CHRM5: variants seen among roughly 807,000 people sequenced by gnomAD.
CHRM5 encodes muscarinic acetylcholine receptor M5.
Under a neutral mutation model 39.0 loss-of-function variants are expected in CHRM5, and 18 were observed. That is an observed-to-expected ratio of 0.46 (90% confidence interval 0.32 to 0.68). The LOEUF (loss-of-function observed/expected upper bound fraction) is 0.68. Among genes scored for constraint, CHRM5 ranks in the 30% least tolerant of loss-of-function variants. CHRM5 has a pLI of 0.04. For synonymous variants in CHRM5, 241 were observed against 246.3 expected, an observed-to-expected ratio of 0.98 and a Z score of 0.20; for missense variants, 515 against 651.1, an observed-to-expected ratio of 0.79 and a Z score of 2.28.
intron 2 of CHRM5, among the ~76,000 whole-genome samples, chr15:34,048,260 G>C (rs756753696): frequency 6.6e-6 from 1 of 152,200 alleles, no homozygotes; most frequent in Admixed American, 6.5e-5. Flanking sequence ...CTCCAGCCAG[G>C]GTTATATGGA....
chr15:34,030,537 A>T (rs150598493), intron 1 of CHRM5, among the ~76,000 whole-genome samples: 3,124 of 152,108 alleles, frequency 0.021, 100 homozygotes, highest in African/African-American at 0.07. Context: ...TAGTAGAGAC[A>T]GGGTTTCATT....
intron 1 of CHRM5, among the ~76,000 whole-genome samples, chr15:34,011,175 G>A (rs1428910847): frequency 1.3e-5 from 2 of 151,930 alleles, no homozygotes; most frequent in Non-Finnish European, 2.9e-5. Context: ...CTGGGTGACA[G>A]AGCAAGACTC....
intron 1 of CHRM5, among the ~76,000 whole-genome samples, chr15:34,021,818 G>A (rs1898213626): frequency 6.6e-6 from 1 of 152,070 alleles, no homozygotes; most frequent in Admixed American, 6.5e-5. Flanking sequence ...TTGCGCCACT[G>A]CACTCCAGCC....
At chr15:34,026,875 T>G (rs1898496259) in intron 1 of CHRM5, among the ~76,000 whole-genome samples, 1 of 152,216 alleles carries the variant, frequency 6.6e-6, no homozygotes. Context: ...AAAACTCTGT[T>G]GTTCCAAAGA....
intron 1 of CHRM5, among the ~76,000 whole-genome samples, chr15:34,032,661 G>A (rs1387102746): frequency 6.6e-6 from 1 of 152,186 alleles, no homozygotes; most frequent in Non-Finnish European, 1.5e-5. Flanking sequence ...TATATGAGCA[G>A]TATGTTTTTC....
At chr15:34,014,647 T>C (rs1177958117) in intron 1 of CHRM5, among the ~76,000 whole-genome samples, 2 of 152,178 alleles carry the variant, frequency 1.3e-5, no homozygotes, top group Admixed American at 6.5e-5. Flanking sequence ...CAATGCAGCA[T>C]CTGACAGACC....
At chr15:34,031,747 T>C (rs1049249925) in intron 1 of CHRM5, among the ~76,000 whole-genome samples, 10 of 152,164 alleles carry the variant, frequency 6.6e-5, no homozygotes, top group Admixed American at 6.5e-4. Flanking sequence ...TTTTAAGCAA[T>C]TTAAGGCTTA....
intron 1 of CHRM5, among the ~76,000 whole-genome samples, chr15:33,975,945 G>T (rs1233700150): frequency 6.6e-6 from 1 of 151,892 alleles, no homozygotes; most frequent in African/African-American, 2.4e-5. Flanking sequence ...GAAAAGAAAA[G>T]AAAGAAATAC....
intron 1 of CHRM5, chr15:34,038,856 C>G: frequency 8.6e-7 from 1 of 1,158,002 alleles, no homozygotes; most frequent in Non-Finnish European, 1.1e-6. Flanking sequence ...TCCTCGGCCT[C>G]CGCGAGCGCC....
intron 1 of CHRM5, among the ~76,000 whole-genome samples, chr15:33,998,149 G>A (rs533305692): frequency 3.3e-5 from 5 of 152,010 alleles, no homozygotes; most frequent in South Asian, 2.1e-4. Context: ...TCCAATTACA[G>A]TTGGAAAACT....
Position 34,063,757 on chromosome 15 carries a change from T to A in CHRM5, c.1040T>A (p.Val347Glu). 1 of 1,614,184 alleles carries A rather than the reference T, an allele frequency of 6.2e-7. No homozygotes were observed. The highest frequency in any genetic ancestry group is 8.5e-7 in the Non-Finnish European group (1 of 1,180,030). The change falls in exon 3 of 3, where the codon GTG becomes GAG. Residue 347 changes from valine to glutamate, a missense_variant. Val to Glu is a moderately radical substitution (Grantham distance 121). Transcript: ENST00000383263. This position sits in a 1 kb window ranked among gnomAD's most constrained non-coding sequence, Gnocchi z 4.1. ...FSAEETEETF[V>E]KAETEKSDYD... Reference sequence around the variant, plus strand: ...GCTGAAGAGACTGAGGAAACTTTTGTGAAAGCTGAAACTGAAAAAAGTGAC... The same window carrying A: ...GCTGAAGAGACTGAGGAAACTTTTGAGAAAGCTGAAACTGAAAAAAGTGAC...
At chr15:34,059,823 G>A (rs1900277635) in intron 2 of CHRM5, among the ~76,000 whole-genome samples, 1 of 152,176 alleles carries the variant, frequency 6.6e-6, no homozygotes, top group Admixed American at 6.5e-5. Context: ...GTCCTTCACA[G>A]GTGCCCCTAT....
intron 1 of CHRM5, among the ~76,000 whole-genome samples, chr15:34,031,300 G>A (rs1457931779): frequency 2.7e-5 from 4 of 147,022 alleles, no homozygotes; most frequent in Admixed American, 1.4e-4. Flanking sequence ...TCAGCCTCCC[G>A]AGTAGCTGGG....
At chr15:34,010,436 T>C (rs1410243107) in intron 1 of CHRM5, among the ~76,000 whole-genome samples, 1 of 152,172 alleles carries the variant, frequency 6.6e-6, no homozygotes, top group African/African-American at 2.4e-5. Flanking sequence ...ACTAATAACA[T>C]ATAACAACCA....
At chr15:34,053,340 A>G (rs1900014213) in intron 2 of CHRM5, among the ~76,000 whole-genome samples, 1 of 141,808 alleles carries the variant, frequency 7.1e-6, no homozygotes, top group Non-Finnish European at 1.5e-5. Context: ...ATATATATAT[A>G]TATGGAACTG....
At chr15:34,059,028 C>T (rs1900250483) in intron 2 of CHRM5, among the ~76,000 whole-genome samples, 1 of 152,150 alleles carries the variant, frequency 6.6e-6, no homozygotes, top group African/African-American at 2.4e-5. Context: ...TCCCAAGTAG[C>T]TAAGATTACA....
intron 1 of CHRM5, among the ~76,000 whole-genome samples, chr15:34,008,537 G>A (rs902055691): frequency 7.0e-6 from 1 of 143,590 alleles, no homozygotes; most frequent in Admixed American, 6.8e-5. Flanking sequence ...CACCCAGGCT[G>A]GAGTGCAGTG....
chr15:33,980,604 C>G (rs1357683055), intron 1 of CHRM5, among the ~76,000 whole-genome samples: 1 of 99,192 alleles, frequency 1.0e-5, no homozygotes. Context: ...GCCTTGGGCA[C>G]TACAGTAGGT....
chr15:34,001,894 G>A (rs1897151378), intron 1 of CHRM5, among the ~76,000 whole-genome samples: 1 of 152,142 alleles, frequency 6.6e-6, no homozygotes, highest in Non-Finnish European at 1.5e-5. Flanking sequence ...AAAGTCATGA[G>A]GAAGAAAAAA....
Sources: gnomAD v4.1 joint callset for allele counts (sites outside exome capture counted in the v4.1 genomes callset) on GRCh38, gnomAD v4.1.1 for gene constraint, Gnocchi (gnomAD v3.1) non-coding constraint, MANE v1.5 for transcripts, NCBI Gene and HGNC (gene_info 2026-07-23, HGNC 2026-07-21) for gene names.